The following PTPRD variants were observed in gnomAD, a reference collection of about 807,000 sequenced individuals.
PTPRD encodes receptor-type tyrosine-protein phosphatase delta.
A neutral mutation model predicts 214.5 loss-of-function variants in PTPRD; 34 were observed. That is an observed-to-expected ratio of 0.16 (90% CI 0.12 to 0.21). The LOEUF (loss-of-function observed/expected upper bound fraction) is 0.21, where lower values mean the gene tolerates loss of function less well. Ranked by LOEUF, PTPRD falls within the 10% of genes least tolerant of loss-of-function variation. The pLI, the probability that PTPRD is intolerant of heterozygous loss-of-function variation, is 1.00. For synonymous variants in PTPRD, 1,128 were observed against 845.7 expected (o/e 1.33, Z -5.79); for missense variants, 2,545 against 2,398.7 (o/e 1.06, Z -1.27).
At chr9:8,948,507 ATATATATATATT>A (rs1247381790) in intron 11 of PTPRD, among the ~76,000 whole-genome samples, 5,333 of 13,452 alleles carry the variant, frequency 0.4, 1,682 homozygotes, top group South Asian at 0.67. Flanking sequence ...ATATATATTT[ATATATATATATT>A]TATATATATA....
chr9:9,807,867 C>T (rs1768875), intron 5 of PTPRD, among the ~76,000 whole-genome samples: 86,385 of 152,002 alleles, frequency 0.57, 27,540 homozygotes, highest in East Asian at 0.88. Flanking sequence ...ATTCTGATGA[C>T]TCATATAATT....
At chr9:9,840,544 A>C (rs1211892319) in intron 5 of PTPRD, among the ~76,000 whole-genome samples, 1 of 152,014 alleles carries the variant, frequency 6.6e-6, no homozygotes, top group African/African-American at 2.4e-5. Flanking sequence ...TAAGGAGCCA[A>C]AAGTAAAATA....
intron 8 of PTPRD, among the ~76,000 whole-genome samples, chr9:9,412,675 T>C (rs2075835741): frequency 6.6e-6 from 1 of 152,158 alleles, no homozygotes. Flanking sequence ...CTTCGCTCTA[T>C]TAAATATATT....
chr9:9,553,889 G>A (rs74698744), intron 8 of PTPRD, among the ~76,000 whole-genome samples: 1 of 151,944 alleles, frequency 6.6e-6, no homozygotes, highest in Non-Finnish European at 1.5e-5. Flanking sequence ...CTACTGGAGT[G>A]AAGGAGGAAA....
rs143762598 is a variant in PTPRD, at chr9:10,364,942, T to C, written c.-599-23925A>G. Reference sequence around the variant, plus strand: ...AACATATCAATCTCCTACAAAGATGTTCTTTGTCGAAATAAGCCAATAAGC... The same window carrying C: ...AACATATCAATCTCCTACAAAGATGCTCTTTGTCGAAATAAGCCAATAAGC... On this transcript the variant is annotated intron_variant, in intron 2 of 45. Coordinates refer to ENST00000381196, the MANE Select transcript of PTPRD (RefSeq NM_002839.4). Among the ~76,000 whole-genome samples, 26 of 152,340 alleles carry C rather than the reference T, an allele frequency of 1.7e-4. 1 individual carries two copies. Among genetic ancestry groups the C allele is most frequent in the African/African-American group, 6.0e-4 (25 of 41,576 alleles).
intron 5 of PTPRD, among the ~76,000 whole-genome samples, chr9:9,858,665 C>T (rs544250622): frequency 6.6e-6 from 1 of 152,166 alleles, no homozygotes; most frequent in South Asian, 2.1e-4. Context: ...TTCTGGCTTA[C>T]AGGGTTGTAT....
chr9:9,961,310 C>T (rs921227762), intron 4 of PTPRD, among the ~76,000 whole-genome samples: 40 of 152,184 alleles, frequency 2.6e-4, no homozygotes, highest in African/African-American at 9.4e-4. Context: ...AAACAACATG[C>T]CTTTGTCATC....
chr9:9,579,764 T>C (rs1168801046), intron 7 of PTPRD, among the ~76,000 whole-genome samples: 3 of 152,184 alleles, frequency 2.0e-5, no homozygotes, highest in Non-Finnish European at 4.4e-5. Context: ...ATATATCACA[T>C]AGTGGTGAAG....
chr9:8,338,166 C>A (rs572105706), intron 43 of PTPRD, among the ~76,000 whole-genome samples: 1 of 152,180 alleles, frequency 6.6e-6, no homozygotes, highest in East Asian at 1.9e-4. Flanking sequence ...TTCAACCCAC[C>A]CACTGTGACA....
chr9:8,692,705 T>C (rs1424120237), intron 12 of PTPRD, among the ~76,000 whole-genome samples: 1 of 152,192 alleles, frequency 6.6e-6, no homozygotes, highest in South Asian at 2.1e-4. Flanking sequence ...TGTGTAATGA[T>C]ATGGCACACT....
chr9:9,030,271 T>A (rs1175751694), intron 10 of PTPRD, among the ~76,000 whole-genome samples: 1 of 132,948 alleles, frequency 7.5e-6, no homozygotes, highest in Admixed American at 8.0e-5. Flanking sequence ...TGGGCCACAC[T>A]TGGGCTTTTT....
At chr9:9,895,739 T>A (rs535073616) in intron 5 of PTPRD, among the ~76,000 whole-genome samples, 1 of 152,232 alleles carries the variant, frequency 6.6e-6, no homozygotes, top group African/African-American at 2.4e-5. Flanking sequence ...TATTTTTGTT[T>A]CTTCAAATTG....
intron 9 of PTPRD, among the ~76,000 whole-genome samples, chr9:9,309,231 A>G (rs1267045078): frequency 6.7e-6 from 1 of 149,266 alleles, no homozygotes; most frequent in Non-Finnish European, 1.5e-5. Context: ...TTTTTTTTTT[A>G]ATTTTTCTTT....
chr9:9,903,108 A>AT (rs1258217454), intron 5 of PTPRD, among the ~76,000 whole-genome samples: 11 of 152,174 alleles, frequency 7.2e-5, no homozygotes, highest in Admixed American at 3.9e-4. Context: ...GTAGCATGAA[A>AT]TAAGTAATCA....
intron 3 of PTPRD, among the ~76,000 whole-genome samples, chr9:10,277,963 C>T (rs190506756): frequency 0.011 from 1,620 of 152,020 alleles, 18 homozygotes; most frequent in Non-Finnish European, 0.017. Context: ...TCGAGACCAT[C>T]GTGGCTAACG....
At chr9:9,653,317 C>A (rs1025944312) in intron 7 of PTPRD, among the ~76,000 whole-genome samples, 1 of 126,078 alleles carries the variant, frequency 7.9e-6, no homozygotes, top group Non-Finnish European at 1.6e-5. Context: ...AGTCCGCAGT[C>A]CGGCCTGGGC....
At chr9:9,923,775 C>T (rs779829678) in intron 5 of PTPRD, among the ~76,000 whole-genome samples, 2 of 151,808 alleles carry the variant, frequency 1.3e-5, no homozygotes, top group South Asian at 2.1e-4. Flanking sequence ...GTATACTTCT[C>T]ATGGGCCGTA....
intron 11 of PTPRD, among the ~76,000 whole-genome samples, chr9:8,856,551 A>G (rs2097919046): frequency 6.6e-6 from 1 of 152,170 alleles, no homozygotes; most frequent in Admixed American, 6.5e-5. Context: ...ATATATATAT[A>G]TAACTTTAAG....
chr9:9,591,815 A>G (rs2092758673), intron 7 of PTPRD, among the ~76,000 whole-genome samples: 1 of 152,024 alleles, frequency 6.6e-6, no homozygotes, highest in Non-Finnish European at 1.5e-5. Flanking sequence ...CTTTGTGGTG[A>G]GGGCATTCCA....
Sources: gnomAD v4.1 joint callset for allele counts (sites outside exome capture counted in the v4.1 genomes callset) on GRCh38, gnomAD v4.1.1 for gene constraint, MANE v1.5 for transcripts, NCBI Gene and HGNC (gene_info 2026-07-23, HGNC 2026-07-21) for gene names.